Variants in STX6 observed in about 807,000 individuals in gnomAD.
The protein encoded by STX6 is syntaxin-6.
In STX6, 23 loss-of-function variants were observed where a neutral mutation model predicts 38.0. That is an observed-to-expected ratio of 0.60 (90% CI 0.43 to 0.86). STX6 has a LOEUF of 0.86. Ranked by LOEUF, STX6 falls within the 40% of genes least tolerant of loss-of-function variation. STX6 has a pLI of 0.00. For missense variants in STX6, 274 were observed against 312.9 expected (o/e 0.88, Z 0.94); for synonymous variants, 123 against 107.5 (o/e 1.14, Z -0.89).
At chr1:181,021,585 T>A (rs892401783) in intron 1 of STX6, among the ~76,000 whole-genome samples, 1 of 152,244 alleles carries the variant, frequency 6.6e-6, no homozygotes, top group Admixed American at 6.5e-5. Context: ...TGGTGATCAG[T>A]ACTGACCTGG....
At chr1:180,984,273 C>T (rs959755311) in intron 7 of STX6, among the ~76,000 whole-genome samples, 18 of 151,596 alleles carry the variant, frequency 1.2e-4, no homozygotes, top group African/African-American at 4.1e-4. Context: ...CAGCTAGGCA[C>T]GGTGGCTCAC....
chr1:181,022,053 G>T (rs965480492), intron 1 of STX6, among the ~76,000 whole-genome samples: 13 of 152,066 alleles, frequency 8.5e-5, no homozygotes, highest in African/African-American at 3.1e-4. Context: ...CTCCCCCATT[G>T]AATTGTCTTC....
chr1:181,005,907 G>A (rs1656213500), intron 1 of STX6, among the ~76,000 whole-genome samples: 1 of 152,096 alleles, frequency 6.6e-6, no homozygotes, highest in Non-Finnish European at 1.5e-5. Context: ...ATGCTGGAGG[G>A]AAGGTTACTC....
At position 180,973,596 on chromosome 1, in the gene STX6, A is replaced by G. The variant is rs1655176608; in HGVS notation, c.*2974T>C. 1 of 152,670 alleles carries G rather than the reference A, an allele frequency of 6.6e-6. No homozygotes were observed. Among genetic ancestry groups the G allele is most frequent in the Non-Finnish European group, 1.5e-5 (1 of 68,060 alleles). 9.5% of individuals were successfully genotyped at this position (152,670 alleles called of 1,614,324 possible). A position where few individuals can be genotyped will look rare whatever the true frequency, so the allele number is the denominator to read the frequency against. On this transcript the variant is annotated 3_prime_UTR_variant, in exon 8 of 8. Coordinates refer to ENST00000258301, the MANE Select transcript of STX6 (RefSeq NM_005819.6). ...GCAGAGAATAATGGGCAAGTTACCA[A>G]GTTTCCCCCTTCAGCTCTGGCGTGC...
intron 1 of STX6, among the ~76,000 whole-genome samples, chr1:181,015,319 A>T (rs1001303127): frequency 6.6e-6 from 1 of 152,238 alleles, no homozygotes; most frequent in Non-Finnish European, 1.5e-5. Flanking sequence ...CCTACAAAAC[A>T]TAATGTATTC....
intron 1 of STX6, among the ~76,000 whole-genome samples, chr1:181,016,613 C>T (rs1296425934): frequency 6.6e-6 from 1 of 152,148 alleles, no homozygotes; most frequent in African/African-American, 2.4e-5. Flanking sequence ...TATACCAATA[C>T]AGTTTTTCAA....
intron 1 of STX6, among the ~76,000 whole-genome samples, chr1:181,022,314 T>A (rs1427647456): frequency 6.6e-6 from 1 of 152,206 alleles, no homozygotes; most frequent in East Asian, 1.9e-4. Flanking sequence ...ACGGCCAGTG[T>A]GCGCCAGGAC....
rs1655182914 is a variant in STX6, at chr1:180,973,851, A to C, written c.*2719T>G. ...AATCATTTAAGTAAAATGTTCTTCC[A>C]ATAAACATAAATTGAGCTCTTCCTC... is the stretch of plus-strand genomic sequence containing the variant. On this transcript the variant is annotated 3_prime_UTR_variant, in exon 8 of 8. Transcript: ENST00000258301. The C allele has an allele frequency of 6.6e-6, 1 of 152,210 alleles. No homozygotes were observed. Among genetic ancestry groups the C allele is most frequent in the African/African-American group, 2.4e-5 (1 of 41,446 alleles). The allele number at this position is 152,210 out of a possible 1,614,324, so 9.4% of individuals were successfully genotyped here.
In STX6 at chr1:180,976,392, C is replaced by A; in HGVS notation, c.*178G>T. The A allele has an allele frequency of 1.6e-6, 1 of 615,150 alleles. No homozygotes were observed. The highest frequency in any genetic ancestry group is 1.8e-5 in the South Asian group (1 of 55,122). The allele number at this position is 615,150 out of a possible 1,614,324, so 38.1% of individuals were successfully genotyped here. ...GACATCTATTTCCTCTTCCCACTGG[C>A]CCTTCCAGCGCTGGGATGGAGGAGC... On this transcript the variant is annotated 3_prime_UTR_variant, in exon 8 of 8. Coordinates refer to ENST00000258301, the MANE Select transcript of STX6 (RefSeq NM_005819.6).
At chr1:180,985,202 T>C (rs879776531) in intron 6 of STX6, among the ~76,000 whole-genome samples, 19 of 152,300 alleles carry the variant, frequency 1.2e-4, no homozygotes, top group East Asian at 3.9e-4. Context: ...TGCAAGACTA[T>C]AGACCTGTCT....
At chr1:181,016,926 A>C (rs1441324616) in intron 1 of STX6, among the ~76,000 whole-genome samples, 1 of 151,720 alleles carries the variant, frequency 6.6e-6, no homozygotes, top group Non-Finnish European at 1.5e-5. Context: ...GTCTCTACTA[A>C]AAATACAAAA....
rs549818038 is a variant in STX6 at position 180,989,878 on chromosome 1, C to T, written c.489+106G>A. 137 of 1,369,370 alleles carry T rather than the reference C, an allele frequency of 1.0e-4. 2 individuals are homozygous for T. The South Asian group carries it at 1.6e-3, about 16-fold the overall frequency. The allele number at this position is 1,369,370 out of a possible 1,614,324, so 84.8% of individuals were successfully genotyped here. A position where few individuals can be genotyped will look rare whatever the true frequency, so the allele number is the denominator to read the frequency against. ...ACAATCAACACAGGACAAGCTCTGG[C>T]TTACCCTCCTTGTCACTAAGCCACA... is the stretch of plus-strand genomic sequence containing the variant. On this transcript the variant is annotated intron_variant, in intron 5 of 7. Transcript: ENST00000258301.
chr1:181,015,691 G>GT (rs1312868345), intron 1 of STX6, among the ~76,000 whole-genome samples: 2 of 150,520 alleles, frequency 1.3e-5, no homozygotes, highest in Non-Finnish European at 3.0e-5. Flanking sequence ...TTTTTGAGAG[G>GT]GAGTTTTGCA....
Position 180,976,411 on chromosome 1 carries a change from G to A in STX6, c.*159C>T, listed in dbSNP as rs1475283875. 7.4e-6 allele frequency: 5 copies of A among 672,866 alleles called. No individual in the cohort carries two copies. The East Asian group carries it at 1.3e-4, about 18-fold the overall frequency. The allele number at this position is 672,866 out of a possible 1,614,324, so 41.7% of individuals were successfully genotyped here. A position where few individuals can be genotyped will look rare whatever the true frequency, so the allele number is the denominator to read the frequency against. ...CACTGGCCCTTCCAGCGCTGGGATG[G>A]AGGAGCCATGTCAATTGTGGGGTCA... On this transcript the variant is annotated 3_prime_UTR_variant, in exon 8 of 8. Coordinates refer to ENST00000258301, the MANE Select transcript of STX6 (RefSeq NM_005819.6).
intron 1 of STX6, among the ~76,000 whole-genome samples, chr1:181,012,448 A>G (rs1656428367): frequency 6.6e-6 from 1 of 152,150 alleles, no homozygotes; most frequent in African/African-American, 2.4e-5. Flanking sequence ...AAAACAGCCC[A>G]TCAAAATCAT....
intron 3 of STX6, among the ~76,000 whole-genome samples, chr1:180,997,136 T>C (rs1655937877): frequency 6.6e-6 from 1 of 152,244 alleles, no homozygotes; most frequent in African/African-American, 2.4e-5. Context: ...CTATTTCTTC[T>C]GTACATTTAG....
intron 3 of STX6, among the ~76,000 whole-genome samples, chr1:181,001,638 AACCCACTAAGAGTCACTCTTCAAC>A (rs1401063249): frequency 1.3e-5 from 2 of 152,356 alleles, no homozygotes; most frequent in Non-Finnish European, 2.9e-5. Flanking sequence ...CCGCTATCCA[AACCCACTAAGAGTCACTCTTCAAC>A]AATGCGAAGT....
intron 1 of STX6, among the ~76,000 whole-genome samples, chr1:181,006,729 C>T (rs10494536): frequency 0.72 from 108,863 of 151,800 alleles, 39,356 homozygotes; most frequent in African/African-American, 0.79. Context: ...TACCCTCTGA[C>T]GTTTCAAGTA....
intron 6 of STX6, among the ~76,000 whole-genome samples, chr1:180,987,307 T>C (rs769332108): frequency 1.3e-5 from 2 of 152,210 alleles, no homozygotes; most frequent in African/African-American, 2.4e-5. Flanking sequence ...CTCAGGGACC[T>C]TGGGCTAAGT....
Sources: allele counts gnomAD v4.1 joint callset (sites outside exome capture counted in the v4.1 genomes callset), GRCh38; gene constraint gnomAD v4.1.1; transcripts MANE v1.5; gene names NCBI Gene and HGNC (gene_info 2026-07-23, HGNC 2026-07-21).